Variants in MTMR6 observed in about 807,000 individuals in gnomAD.
The protein encoded by MTMR6 is phosphatidylinositol-3,5-bisphosphate 3-phosphatase MTMR6.
In MTMR6, 47 loss-of-function variants were observed where a neutral mutation model predicts 80.1. That is an observed-to-expected ratio of 0.59 (90% confidence interval 0.46 to 0.75). MTMR6 has a LOEUF of 0.75. MTMR6 is among the 30% of genes least tolerant of loss of function. The probability of loss-of-function intolerance (pLI) is 0.00; values close to 1 mark genes in which losing one functional copy is unlikely to be tolerated. For synonymous variants in MTMR6, 254 were observed against 253.0 expected, an observed-to-expected ratio of 1.00 and a Z score of -0.04; for missense variants, 629 against 730.9, an observed-to-expected ratio of 0.86 and a Z score of 1.61.
chr13:25,254,275 ACT>A, intron 10 of MTMR6, 108 bp downstream of exon 10: 1 of 802,554 alleles, frequency 1.2e-6, no homozygotes, highest in Non-Finnish European at 2.1e-6. Context: ...AAACCATGAC[ACT>A]CTTACCTCCC....
Position 25,251,727 on chromosome 13 carries a change from C to T in MTMR6, c.1527G>A (p.Arg509=). 6.3e-7 allele frequency: 1 copy of T among 1,594,336 alleles called. No homozygotes were observed. Among genetic ancestry groups the T allele is most frequent in the Non-Finnish European group, 8.6e-7 (1 of 1,165,124 alleles). The part of the protein sequence containing the change: ...YHQFDRTLHP[R]QSVFNIIMNM... ...TCATAATTATATTAAATACAGACTG[C>T]CTAGGATGCAGTGTTCGATCAAATT... Residue 509 remains arginine, a synonymous_variant, in exon 13 of 14, where the codon AGG becomes AGA. Transcript: ENST00000381801. The surrounding 1 kb of genome is among the most constrained non-coding windows in gnomAD (Gnocchi z 4.1).
At chr13:25,267,667 C>G in intron 3 of MTMR6, 112 bp downstream of exon 3, 3 of 1,091,926 alleles carry the variant, frequency 2.7e-6, no homozygotes, top group Non-Finnish European at 3.8e-6. Flanking sequence ...ACAAAAGAAC[C>G]TGACTGTCAG....
chr13:25,258,147 C>T (rs1207535156), intron 7 of MTMR6, among the ~76,000 whole-genome samples: 1 of 152,042 alleles, frequency 6.6e-6, no homozygotes, highest in African/African-American at 2.4e-5. Context: ...TTTAAATGAA[C>T]ATTACTACAA....
rs150067703 is a variant in MTMR6, at chr13:25,267,841, A to G, written c.242T>C (p.Ile81Thr). The G allele has an allele frequency of 8.8e-5, 142 of 1,613,954 alleles. 2 individuals are homozygous for G. In the East Asian group the frequency reaches 3.1e-3, roughly 36 times the overall value. ...ATGGCAATCTCTTTCTCTGGGAACA[A>G]TGAAATGCACAGTTCTGAAGTTCTT... ...QCKNFRTVHF[I>T]VPRERDCHDI... The change falls in exon 3 of 14, where the codon ATT becomes ACT. Residue 81 changes from isoleucine (I) to threonine (T), a missense_variant. By Grantham distance (89) the Ile-to-Thr change is moderately conservative (BLOSUM62 -1). Transcript: ENST00000381801.
chr13:25,266,310 G>A (rs1200604883), intron 3 of MTMR6, 24 bp from the exon 4 acceptor site: 5 of 1,573,184 alleles, frequency 3.2e-6, no homozygotes, highest in Non-Finnish European at 4.4e-6. Flanking sequence ...AATTTTAAAT[G>A]TTAAGTGCAA....
chr13:25,260,646 G>A, intron 6 of MTMR6: 1 of 1,286,772 alleles, frequency 7.8e-7, no homozygotes, highest in Non-Finnish European at 1.0e-6. Context: ...CTATAATTCT[G>A]CCAATGTCCT....
At chr13:25,263,911 C>G (rs1278172043) in intron 5 of MTMR6, among the ~76,000 whole-genome samples, 1 of 151,884 alleles carries the variant, frequency 6.6e-6, no homozygotes, top group Non-Finnish European at 1.5e-5. Context: ...AAAAAGAAAA[C>G]AAAGAAAGAA....
chr13:25,274,800 T>A (rs1957667758), intron 1 of MTMR6, among the ~76,000 whole-genome samples: 1 of 152,114 alleles, frequency 6.6e-6, no homozygotes, highest in Admixed American at 6.5e-5. Flanking sequence ...AGAAAATCAG[T>A]TCATTACTTA....
intron 5 of MTMR6, among the ~76,000 whole-genome samples, chr13:25,262,952 C>T (rs1043081565): frequency 3.3e-5 from 5 of 152,202 alleles, no homozygotes; most frequent in Non-Finnish European, 7.3e-5. Context: ...AGGCCATAAC[C>T]ATTTAACCTC....
At chr13:25,275,098 C>T (rs12428988) in intron 1 of MTMR6, among the ~76,000 whole-genome samples, 18,782 of 151,484 alleles carry the variant, frequency 0.12, 1,558 homozygotes, top group African/African-American at 0.23. Flanking sequence ...TTCATCCTTA[C>T]GAAAAAAAGT....
At chr13:25,277,838 G>T (rs1253026881) in intron 1 of MTMR6, among the ~76,000 whole-genome samples, 1 of 152,028 alleles carries the variant, frequency 6.6e-6, no homozygotes, top group Non-Finnish European at 1.5e-5. Flanking sequence ...GTTCTTTCTG[G>T]CTGGGTCTCT....
At chr13:25,272,220 C>T (rs1401247079) in intron 2 of MTMR6, among the ~76,000 whole-genome samples, 2 of 152,050 alleles carry the variant, frequency 1.3e-5, no homozygotes, top group Admixed American at 1.3e-4. Context: ...TATAGAAGAA[C>T]CTTTATGACT....
intron 1 of MTMR6, 55 bp from the exon 2 acceptor site, chr13:25,274,242 C>T: frequency 8.0e-7 from 1 of 1,248,332 alleles, no homozygotes; most frequent in Non-Finnish European, 1.1e-6. Context: ...AATTATTTTT[C>T]TGTTAGCCCA....
rs956599398 is a variant in MTMR6 at position 25,274,162 on chromosome 13, C to T, written c.50G>A (p.Arg17Gln). The stretch of plus-strand genomic sequence containing the variant: ...TAATGACTTGTTGCTGGTACTGAAT[C>T]GGTCAAGTAATTTTACTTGTTCGAC... ...TKVEQVKLLD[R>Q]FSTSNKSLTG... The change falls in exon 2 of 14, where the codon CGA (arginine) becomes CAA (glutamine). Residue 17 changes from arginine (R) to glutamine (Q), a missense_variant. By Grantham distance (43) the Arg-to-Gln change is conservative. Transcript: ENST00000381801. The T allele has an allele frequency of 4.4e-6, 7 of 1,608,740 alleles. No individual in the cohort carries two copies. The highest frequency in any genetic ancestry group is 1.6e-4 in the Middle Eastern group (1 of 6,070).
intron 11 of MTMR6, 96 bp from the exon 12 acceptor site, chr13:25,252,080 C>G: frequency 2.2e-6 from 3 of 1,384,240 alleles, no homozygotes; most frequent in Non-Finnish European, 3.0e-6. Flanking sequence ...GCTTCCGAAG[C>G]AGATTTAAAT....
chr13:25,287,238 T>A lies in MTMR6; in HGVS notation c.10A>T (p.Ile4Phe). 1 of 1,597,994 alleles carries A rather than the reference T, an allele frequency of 6.3e-7. No individual in the cohort carries two copies. Among genetic ancestry groups the A allele is most frequent in the Non-Finnish European group, 8.5e-7 (1 of 1,174,754 alleles). Residue 4 changes from isoleucine (I) to phenylalanine (F), a missense_variant, in exon 1 of 14, where the codon ATC (isoleucine) becomes TTC (phenylalanine). By Grantham distance (21) the Ile-to-Phe change is conservative (BLOSUM62 0). Transcript: ENST00000381801. Reference protein sequence around the residue: MEHIRTTKVEQVKL... With the variant: MEHFRTTKVEQVKL... ...CGCCCGACTACCTTGGTCGTCCGGATATGCTCCATCGCAAGGAGACGTCAG... is the reference window on the plus strand; with the variant it reads ...CGCCCGACTACCTTGGTCGTCCGGAAATGCTCCATCGCAAGGAGACGTCAG...
chr13:25,252,029 A>G (rs771366436), intron 11 of MTMR6, 45 bp from the exon 12 acceptor site: 2 of 1,567,102 alleles, frequency 1.3e-6, no homozygotes, highest in Non-Finnish European at 1.7e-6. Context: ...TATAGATGCA[A>G]AGTAGTAATG....
In MTMR6 at chr13:25,249,339, C is replaced by G; in HGVS notation, c.1759G>C (p.Gly587Arg). Reference protein sequence around the residue: ...PVNDALRTIEGSSPADNRYSE... With the variant: ...PVNDALRTIERSSPADNRYSE... ...TAACGATTATCTGCCGGGCTGCTGC[C>G]CTCTATAGTTCGAAGAGCATCATTT... The change falls in exon 14 of 14, where the codon GGC becomes CGC. Residue 587 changes from glycine (G) to arginine (R), a missense_variant. Coordinates refer to ENST00000381801, the MANE Select transcript of MTMR6 (RefSeq NM_004685.5). The G allele has an allele frequency of 6.2e-7, 1 of 1,614,056 alleles. No individual in the cohort carries two copies. The highest frequency in any genetic ancestry group is 8.5e-7 in the Non-Finnish European group (1 of 1,179,974).
At chr13:25,265,531 C>G (rs1957436203) in intron 5 of MTMR6, among the ~76,000 whole-genome samples, 1 of 152,060 alleles carries the variant, frequency 6.6e-6, no homozygotes, top group African/African-American at 2.4e-5. Context: ...CACTTGAGGT[C>G]AGGAGTTCAA....
Sources: gnomAD v4.1 joint callset for allele counts (sites outside exome capture counted in the v4.1 genomes callset) on GRCh38, gnomAD v4.1.1 for gene constraint, Gnocchi (gnomAD v3.1) non-coding constraint, MANE v1.5 for transcripts, NCBI Gene and HGNC (gene_info 2026-07-23, HGNC 2026-07-21) for gene names.